HPCAL1: variants seen among roughly 807,000 people sequenced by gnomAD.
HPCAL1 encodes the protein hippocalcin-like protein 1.
Under a neutral mutation model 17.1 loss-of-function variants are expected in HPCAL1, and 8 were observed. The ratio of observed to expected loss-of-function variants is 0.47; its 90% CI spans 0.27 to 0.84. The LOEUF (loss-of-function observed/expected upper bound fraction) is 0.84, where lower values mean the gene tolerates loss of function less well. Ranked by LOEUF, HPCAL1 falls within the 40% of genes least tolerant of loss-of-function variation. The pLI, the probability that HPCAL1 is intolerant of heterozygous loss-of-function variation, is 0.13. For missense variants in HPCAL1, 165 were observed against 271.1 expected, an observed-to-expected ratio of 0.61 and a Z score of 2.75; for synonymous variants, 112 against 111.4, an observed-to-expected ratio of 1.01 and a Z score of -0.03.
At chr2:10,324,816 GTTTTTTTTTTTTT>G (rs3036350) in intron 1 of HPCAL1, among the ~76,000 whole-genome samples, 6 of 66,388 alleles carry the variant, frequency 9.0e-5, no homozygotes, top group East Asian at 5.3e-4. Flanking sequence ...TGGTTTTTGT[GTTTTTTTTTTTTT>G]TTTTTTTTTT....
At chr2:10,349,371 GGA>G (rs1487672715) in intron 1 of HPCAL1, among the ~76,000 whole-genome samples, 2 of 151,968 alleles carry the variant, frequency 1.3e-5, no homozygotes, top group Non-Finnish European at 2.9e-5. Context: ...GACCTGGCAG[GGA>G]GTTGGGTAAT....
chr2:10,349,435 C>T (rs955254396), intron 1 of HPCAL1, among the ~76,000 whole-genome samples: 2 of 151,818 alleles, frequency 1.3e-5, no homozygotes, highest in Non-Finnish European at 1.5e-5. Context: ...ACGCCGGGCA[C>T]GGTGGCTCAC....
At chr2:10,381,589 C>A (rs113965543) in intron 1 of HPCAL1, among the ~76,000 whole-genome samples, 3 of 150,604 alleles carry the variant, frequency 2.0e-5, no homozygotes, top group African/African-American at 7.4e-5. Context: ...AGGTGCTCTG[C>A]GCCGCCAGAG....
chr2:10,316,553 C>T lies in HPCAL1; in HGVS notation c.-111+13376C>T, dbSNP rs1663325061. Among the ~76,000 whole-genome samples the T allele has an allele frequency of 3.3e-5, 5 of 152,304 alleles. 1 individual carries two copies. The highest frequency in any genetic ancestry group is 1.2e-4 in the African/African-American group (5 of 41,560). ...GCTTCCCTCCAAAGGCTTCTTAGGCCGTTCCTCCCCATCGTTTTTCAGAGG... is the reference window on the plus strand; with the variant it reads ...GCTTCCCTCCAAAGGCTTCTTAGGCTGTTCCTCCCCATCGTTTTTCAGAGG... On this transcript the variant is annotated intron_variant, in intron 1 of 4. Transcript: ENST00000307845.
At position 10,418,228 on chromosome 2, in the gene HPCAL1, C is replaced by T. The variant is rs544176193; in HGVS notation, c.-24-1506C>T. ...GGTCAGGAGTTTGAGACCAACCTGG[C>T]CAACATAGTGTGAAACCCTGTCTCT... is the stretch of plus-strand genomic sequence containing the variant. On this transcript the variant is annotated intron_variant, in intron 2 of 4. Coordinates refer to ENST00000307845, the MANE Select transcript of HPCAL1 (RefSeq NM_002149.4). Among the ~76,000 whole-genome samples the T allele has an allele frequency of 1.1e-4, 16 of 151,676 alleles. No homozygotes were observed. The South Asian group carries it at 3.3e-3, about 32-fold the overall frequency.
rs1233512016 is a variant in HPCAL1, at chr2:10,323,346, G to C, written c.-111+20169G>C. On this transcript the variant is annotated intron_variant, in intron 1 of 4. Transcript: ENST00000307845. The surrounding 1 kb of genome is among the most constrained non-coding windows in gnomAD (Gnocchi z 4.6). ...CTTCAGTGTTAGAGCACCTTTCAGG[G>C]GGAATGGCGTAAAAAAGCCTTCCTT... Among the ~76,000 whole-genome samples the C allele has an allele frequency of 1.3e-5, 2 of 152,208 alleles. No homozygotes were observed. Among genetic ancestry groups the C allele is most frequent in the Non-Finnish European group, 2.9e-5 (2 of 68,042 alleles).
chr2:10,417,373 C>CA (rs1165509518), intron 2 of HPCAL1, among the ~76,000 whole-genome samples: 147 of 146,796 alleles, frequency 1.0e-3, no homozygotes, highest in African/African-American at 1.3e-3. Context: ...CAAAAAAAAA[C>CA]AAAAAAAAAA....
intron 1 of HPCAL1, among the ~76,000 whole-genome samples, chr2:10,364,685 A>C (rs566912258): frequency 6.6e-6 from 1 of 151,542 alleles, no homozygotes; most frequent in Admixed American, 6.6e-5. Context: ...CCCCCGGCTC[A>C]GGTGATCCTC....
intron 1 of HPCAL1, among the ~76,000 whole-genome samples, chr2:10,349,219 A>G (rs908648932): frequency 2.0e-5 from 3 of 152,200 alleles, no homozygotes; most frequent in Admixed American, 2.0e-4. Flanking sequence ...TCTCTACCAT[A>G]AAAGTCATCC....
intron 1 of HPCAL1, among the ~76,000 whole-genome samples, chr2:10,370,898 G>T (rs1667163775): frequency 6.6e-6 from 1 of 152,304 alleles, no homozygotes; most frequent in Non-Finnish European, 1.5e-5. Context: ...CAAGCTAAGG[G>T]GGCCCACCTA....
At chr2:10,337,988 A>C (rs898513798) in intron 1 of HPCAL1, among the ~76,000 whole-genome samples, 1 of 152,224 alleles carries the variant, frequency 6.6e-6, no homozygotes, top group South Asian at 2.1e-4. Flanking sequence ...TTTTAGAGAA[A>C]GTCAGGGGAG....
At position 10,371,218 on chromosome 2, in the gene HPCAL1, C is replaced by T. The variant is rs1391329342; in HGVS notation, c.-110-25617C>T. ...GTTTGGGTTAGTGGGTCTGGCTGGC[C>T]ACCGGGGTTGGAGGGGAATGCCAGT... On this transcript the variant is annotated intron_variant, in intron 1 of 4. Transcript: ENST00000307845. 2.6e-5 allele frequency among the ~76,000 whole-genome samples: 4 copies of T among 152,242 alleles called. No homozygotes were observed. In the South Asian group the frequency reaches 8.3e-4, roughly 32 times the overall value.
rs562750420 is a variant in HPCAL1 at position 10,310,929 on chromosome 2, C to T, written c.-111+7752C>T. Among the ~76,000 whole-genome samples, 7 of 152,300 alleles carry T rather than the reference C, an allele frequency of 4.6e-5. No homozygotes were observed. In the South Asian group the frequency reaches 1.5e-3, roughly 32 times the overall value. ...AGCCCCAACTCCTCCCTTTCACTCC[C>T]ATCTTTTCTATTTGCTGCCCTGTAA... On this transcript the variant is annotated intron_variant, in intron 1 of 4. Coordinates refer to ENST00000307845, the MANE Select transcript of HPCAL1 (RefSeq NM_002149.4). This position sits in a 1 kb window ranked among gnomAD's most constrained non-coding sequence, Gnocchi z 4.5.
intron 1 of HPCAL1, among the ~76,000 whole-genome samples, chr2:10,370,576 A>G (rs1398700595): frequency 6.6e-6 from 1 of 152,214 alleles, no homozygotes; most frequent in Non-Finnish European, 1.5e-5. Context: ...GGAACTGAGC[A>G]GCAACTGTGA....
chr2:10,419,072 G>A lies in HPCAL1; in HGVS notation c.-24-662G>A, dbSNP rs941766251. Among the ~76,000 whole-genome samples the A allele has an allele frequency of 6.6e-6, 1 of 152,040 alleles. No homozygotes were observed. The highest frequency in any genetic ancestry group is 6.5e-5 in the Admixed American group (1 of 15,278). On this transcript the variant is annotated intron_variant, in intron 2 of 4. Transcript: ENST00000307845. This position sits in a 1 kb window ranked among gnomAD's most constrained non-coding sequence, Gnocchi z 5.0. ...TAAAAATACAAAAAATTAGCTGGGC[G>A]CGGTGGTGCATGCCTGTAATCCCAG...
chr2:10,388,144 C>T (rs943253268), intron 1 of HPCAL1, among the ~76,000 whole-genome samples: 1 of 152,148 alleles, frequency 6.6e-6, no homozygotes, highest in African/African-American at 2.4e-5. Context: ...AGACAGTTGG[C>T]GTGTCTCAGG....
rs528281498 is a variant in HPCAL1, at chr2:10,363,266, C to T, written c.-110-33569C>T. Among the ~76,000 whole-genome samples, 12 of 152,212 alleles carry T rather than the reference C, an allele frequency of 7.9e-5. No homozygotes were observed. The South Asian group carries it at 2.1e-3, about 26-fold the overall frequency. On this transcript the variant is annotated intron_variant, in intron 1 of 4. Coordinates refer to ENST00000307845, the MANE Select transcript of HPCAL1 (RefSeq NM_002149.4). This position sits in a 1 kb window ranked among gnomAD's most constrained non-coding sequence, Gnocchi z 4.7. ...TGGTGGGAGAGTGATTCCCCTGCAG[C>T]CCTTCTGAGGTCACTGCCACACCAT...
At chr2:10,355,288 A>G (rs371422115) in intron 1 of HPCAL1, among the ~76,000 whole-genome samples, 70 of 151,260 alleles carry the variant, frequency 4.6e-4, no homozygotes, top group African/African-American at 1.6e-3. Context: ...CGTCTCTACT[A>G]AAAATACAAA....
At chr2:10,325,506 G>A (rs1247130491) in intron 1 of HPCAL1, among the ~76,000 whole-genome samples, 1 of 152,174 alleles carries the variant, frequency 6.6e-6, no homozygotes, top group Non-Finnish European at 1.5e-5. Context: ...TGTTCTCCCT[G>A]TGCCTCTCTG....
Sources: allele counts gnomAD v4.1 joint callset (sites outside exome capture counted in the v4.1 genomes callset), GRCh38; gene constraint gnomAD v4.1.1; non-coding constraint Gnocchi (gnomAD v3.1); transcripts MANE v1.5; gene names NCBI Gene and HGNC (gene_info 2026-07-23, HGNC 2026-07-21).